Variants in PRKAG2 observed in about 807,000 individuals in gnomAD.
PRKAG2 encodes the protein 5'-AMP-activated protein kinase subunit gamma-2.
In PRKAG2, 26 loss-of-function variants were observed where a neutral mutation model predicts 69.6. That is an observed-to-expected ratio of 0.37 (90% CI 0.27 to 0.52). The LOEUF is 0.52. Among genes scored for constraint, PRKAG2 ranks in the 20% least tolerant of loss-of-function variants. The probability of loss-of-function intolerance (pLI) is 0.90; values close to 1 mark genes in which losing one functional copy is unlikely to be tolerated. For synonymous variants in PRKAG2, 293 were observed against 285.0 expected (o/e 1.03, Z -0.28); for missense variants, 557 against 740.0 (o/e 0.75, Z 2.87).
chr7:151,737,973 C>T (rs7781520), intron 3 of PRKAG2, among the ~76,000 whole-genome samples: 22,237 of 49,174 alleles, frequency 0.45, 5,541 homozygotes, highest in East Asian at 0.77. Context: ...CAGAGATGCC[C>T]AGATCTGCCA....
chr7:151,632,499 C>T lies in PRKAG2; in HGVS notation c.685-361G>A. On this transcript the variant is annotated intron_variant, in intron 4 of 15. Transcript: ENST00000287878. This position sits in a 1 kb window ranked among gnomAD's most constrained non-coding sequence, Gnocchi z 4.2. Reference sequence around the variant, plus strand: ...GGCGCCCCCCTCCGGCCGTGGCCCGCGTCCTCCCCGCCGTGCCGCCATTGG... The same window carrying T: ...GGCGCCCCCCTCCGGCCGTGGCCCGTGTCCTCCCCGCCGTGCCGCCATTGG... 12 of 888,210 alleles carry T rather than the reference C, an allele frequency of 1.4e-5. No individual in the cohort carries two copies. Among genetic ancestry groups the T allele is most frequent in the Non-Finnish European group, 1.6e-5 (12 of 741,888 alleles). The allele number at this position is 888,210 out of a possible 1,614,324, so 55.0% of individuals were successfully genotyped here. A position where few individuals can be genotyped will look rare whatever the true frequency, so the allele number is the denominator to read the frequency against.
chr7:151,603,668 T>C (rs2151180072), intron 5 of PRKAG2, among the ~76,000 whole-genome samples: 1 of 152,106 alleles, frequency 6.6e-6, no homozygotes, highest in South Asian at 2.1e-4. Flanking sequence ...AGGGTACACA[T>C]GCCTTCTCAT....
intron 1 of PRKAG2, among the ~76,000 whole-genome samples, chr7:151,874,009 T>A (rs2080284581): frequency 6.9e-6 from 1 of 145,774 alleles, no homozygotes. Context: ...TGTATATGTA[T>A]AAGTATATGT....
At chr7:151,726,384 A>ACACACACACACACG (rs1201924418) in intron 3 of PRKAG2, among the ~76,000 whole-genome samples, 1 of 86,460 alleles carries the variant, frequency 1.2e-5, no homozygotes, top group African/African-American at 3.0e-5. Context: ...ACACACACAC[A>ACACACACACACACG]CACACACACA....
At chr7:151,739,515 G>A (rs2073720086) in intron 3 of PRKAG2, among the ~76,000 whole-genome samples, 1 of 151,776 alleles carries the variant, frequency 6.6e-6, no homozygotes, top group Non-Finnish European at 1.5e-5. Context: ...TGTTGCCCAG[G>A]CTGGAGTGCA....
At position 151,796,900 on chromosome 7, in the gene PRKAG2, T is replaced by C. The variant is rs755692437; in HGVS notation, c.115-10359A>G. On this transcript the variant is annotated intron_variant, in intron 1 of 15. Transcript: ENST00000287878. ...AGGACTGTCTTCAGCTCTGACATTA[T>C]GATTCTACCAAGACAGGGTGTGAAA... 3.5e-4 allele frequency among the ~76,000 whole-genome samples: 53 copies of C among 152,318 alleles called. 1 individual carries two copies. The highest frequency in any genetic ancestry group is 3.4e-3 in the Middle Eastern group (1 of 294).
intron 1 of PRKAG2, among the ~76,000 whole-genome samples, chr7:151,800,522 T>C (rs890325377): frequency 2.0e-5 from 3 of 152,076 alleles, no homozygotes; most frequent in African/African-American, 7.2e-5. Flanking sequence ...ACACTCCTCC[T>C]TCGAACACAT....
chr7:151,557,147 T>A lies in PRKAG2; in HGVS notation c.*54A>T. The A allele has an allele frequency of 6.2e-7, 1 of 1,613,936 alleles. No individual in the cohort carries two copies. ...CAGCCAGTGTTCATGAGGCAAAACG[T>A]GACCCAGAGACTTTGTTCAAGTTCT... On this transcript the variant is annotated 3_prime_UTR_variant, in exon 16 of 16. Coordinates refer to ENST00000287878, the MANE Select transcript of PRKAG2 (RefSeq NM_016203.4).
At chr7:151,858,275 T>C (rs370886369) in intron 1 of PRKAG2, among the ~76,000 whole-genome samples, 6 of 149,766 alleles carry the variant, frequency 4.0e-5, no homozygotes, top group African/African-American at 1.5e-4. Context: ...TCCCCAGTAC[T>C]CAGCAGCACC....
intron 3 of PRKAG2, among the ~76,000 whole-genome samples, chr7:151,723,560 C>T (rs76130223): frequency 0.021 from 3,248 of 152,324 alleles, 88 homozygotes; most frequent in African/African-American, 0.067. Context: ...CTGCTTTCGC[C>T]GATGGGCCGC....
chr7:151,834,743 C>G (rs763742366), intron 1 of PRKAG2, among the ~76,000 whole-genome samples: 1 of 152,186 alleles, frequency 6.6e-6, no homozygotes, highest in Non-Finnish European at 1.5e-5. Flanking sequence ...AGGGCTACGG[C>G]GCAGTGCCGC....
intron 7 of PRKAG2, among the ~76,000 whole-genome samples, chr7:151,575,290 G>A (rs890473483): frequency 1.3e-5 from 2 of 152,154 alleles, no homozygotes; most frequent in African/African-American, 2.4e-5. Context: ...AAAGTATTCC[G>A]TAAGCTTTAG....
intron 3 of PRKAG2, among the ~76,000 whole-genome samples, chr7:151,762,089 C>G (rs1028037449): frequency 2.0e-5 from 3 of 152,226 alleles, no homozygotes; most frequent in Non-Finnish European, 4.4e-5. Flanking sequence ...CAAGAGGCAG[C>G]CACTGTCCGA....
chr7:151,796,785 G>C (rs966695992), intron 1 of PRKAG2, among the ~76,000 whole-genome samples: 3 of 152,132 alleles, frequency 2.0e-5, no homozygotes, highest in Admixed American at 2.0e-4. Context: ...CGGCCCGGGG[G>C]CCAGTAAACA....
chr7:151,805,834 CT>C (rs1225336221), intron 1 of PRKAG2, among the ~76,000 whole-genome samples: 2 of 152,242 alleles, frequency 1.3e-5, no homozygotes, highest in Non-Finnish European at 2.9e-5. Context: ...TGCCAAGATC[CT>C]TCCCCAACGT....
chr7:151,859,412 C>G (rs2079862565), intron 1 of PRKAG2, among the ~76,000 whole-genome samples: 1 of 152,190 alleles, frequency 6.6e-6, no homozygotes, highest in Non-Finnish European at 1.5e-5. Flanking sequence ...AGGTATGATT[C>G]TCCAAAGAAG....
chr7:151,754,150 C>T (rs1029972970), intron 3 of PRKAG2, among the ~76,000 whole-genome samples: 21 of 152,240 alleles, frequency 1.4e-4, no homozygotes, highest in African/African-American at 4.8e-4. Flanking sequence ...CTCTAACTCG[C>T]TGAGGGCAAG....
Position 151,572,696 on chromosome 7 carries a change from T to G in PRKAG2, c.1019A>C (p.Glu340Ala). The change falls in exon 9 of 16, where the codon GAA becomes GCA. Residue 340 changes from glutamate to alanine, a missense_variant. By Grantham distance (107) the Glu-to-Ala change is moderately radical. Coordinates refer to ENST00000287878, the MANE Select transcript of PRKAG2 (RefSeq NM_016203.4). ...TGTTTCAATTTTATGTTCCTCTAAT[T>G]CATAAATCTGTACCTGCAAATAAAA... ...YYKSPMVQIY[E>A]LEEHKIETWR... 6.3e-7 allele frequency: 1 copy of G among 1,593,912 alleles called. No individual in the cohort carries two copies. Among genetic ancestry groups the G allele is most frequent in the Non-Finnish European group, 8.6e-7 (1 of 1,163,998 alleles).
intron 5 of PRKAG2, among the ~76,000 whole-genome samples, chr7:151,601,948 G>A (rs750465007): frequency 2.0e-5 from 3 of 152,218 alleles, no homozygotes; most frequent in Non-Finnish European, 2.9e-5. Flanking sequence ...GGGAGGGAAC[G>A]GATGGACAGA....
Sources: gnomAD v4.1 joint callset for allele counts (sites outside exome capture counted in the v4.1 genomes callset) on GRCh38, gnomAD v4.1.1 for gene constraint, Gnocchi (gnomAD v3.1) non-coding constraint, MANE v1.5 for transcripts, NCBI Gene and HGNC (gene_info 2026-07-23, HGNC 2026-07-21) for gene names.